Variants in BICRA observed in about 807,000 individuals in gnomAD.
BICRA encodes the protein BRD4 interacting chromatin remodeling complex associated protein.
BICRA carries 31 observed loss-of-function variants against 96.9 expected under a neutral mutation model. The ratio of observed to expected loss-of-function variants is 0.32; its 90% CI spans 0.24 to 0.43. The LOEUF (loss-of-function observed/expected upper bound fraction) is 0.43. BICRA is among the 20% of genes least tolerant of loss of function. The probability of loss-of-function intolerance (pLI) is 1.00; values close to 1 mark genes in which losing one functional copy is unlikely to be tolerated. For synonymous variants in BICRA, 1,350 were observed against 1,071.8 expected (o/e 1.26, Z -5.07); for missense variants, 2,283 against 2,190.3 (o/e 1.04, Z -0.84).
chr19:47,680,104 G>T lies in BICRA; in HGVS notation c.934G>T (p.Ala312Ser). The T allele has an allele frequency of 1.3e-6, 2 of 1,540,792 alleles. No homozygotes were observed. Among genetic ancestry groups the T allele is most frequent in the Non-Finnish European group, 1.7e-6 (2 of 1,155,200 alleles). Residue 312 changes from alanine to serine, a missense_variant, in exon 6 of 15, where the codon GCC (alanine) becomes TCC (serine). Ala to Ser is a moderately conservative substitution (Grantham distance 99). Transcript: ENST00000594866. ...GAACTCTGTGTTCGGAGGCGCGGGG[G>T]CCGCCTCGGCTCCCACCGGGACGCC... ...NGNSVFGGAGAASAPTGTPSG... is the reference protein window; with the variant it reads ...NGNSVFGGAGSASAPTGTPSG...
At position 47,699,095 on chromosome 19, in the gene BICRA, C is replaced by A; in HGVS notation, c.3492+36C>A. On this transcript the variant is annotated intron_variant, in intron 13 of 14. Transcript: ENST00000594866. This position sits in a 1 kb window ranked among gnomAD's most constrained non-coding sequence, Gnocchi z 5.0. ...AGTCGCCTTCCTCGCCTCTGGGCTC[C>A]TCCTCGCTGGGACACTGCCCCTTTC... 1 of 1,365,000 alleles carries A rather than the reference C, an allele frequency of 7.3e-7. No individual in the cohort carries two copies. Among genetic ancestry groups the A allele is most frequent in the Non-Finnish European group, 1.0e-6 (1 of 979,848 alleles). The allele number at this position is 1,365,000 out of a possible 1,614,324, so 84.6% of individuals were successfully genotyped here.
At chr19:47,621,698 G>A (rs1340981301) in intron 1 of BICRA, among the ~76,000 whole-genome samples, 1 of 152,012 alleles carries the variant, frequency 6.6e-6, no homozygotes, top group Non-Finnish European at 1.5e-5. Context: ...TTGAACTCCT[G>A]ACCTCAGTTG....
chr19:47,693,486 C>T (rs766027635), intron 7 of BICRA, among the ~76,000 whole-genome samples: 21 of 152,214 alleles, frequency 1.4e-4, no homozygotes, highest in Non-Finnish European at 3.1e-4. Context: ...TTCCCATGCC[C>T]GCATCCAGAG....
chr19:47,622,450 C>T (rs1175838171), intron 1 of BICRA, among the ~76,000 whole-genome samples: 25 of 138,700 alleles, frequency 1.8e-4, no homozygotes, highest in East Asian at 1.6e-3. Context: ...GTGGGCCGGG[C>T]GTGGTGGCTC....
At chr19:47,682,179 C>T (rs747645342) in intron 7 of BICRA, 27 bp downstream of exon 7, 4 of 1,155,396 alleles carry the variant, frequency 3.5e-6, no homozygotes, top group Admixed American at 4.5e-5. Flanking sequence ...AGCCTGTGTC[C>T]GCAGCACAGA....
chr19:47,682,118 C>T lies in BICRA; in HGVS notation c.2249C>T (p.Pro750Leu), dbSNP rs1477191870. 3.8e-5 allele frequency: 58 copies of T among 1,515,780 alleles called. No homozygotes were observed. The highest frequency in any genetic ancestry group is 5.1e-5 in the Non-Finnish European group (57 of 1,119,046). 93.9% of individuals were successfully genotyped at this position (1,515,780 alleles called of 1,614,324 possible). A position where few individuals can be genotyped will look rare whatever the true frequency, so the allele number is the denominator to read the frequency against. Residue 750 changes from proline to leucine, a missense_variant, in exon 7 of 15, where the codon CCC becomes CTC. Pro to Leu is a moderately conservative substitution (Grantham distance 98). Transcript: ENST00000594866. ...AKGAGLGPQA[P>L]DSQASPAPAP... is the part of the protein sequence containing the mutation. ...GGAGCTGGCCTCGGCCCTCAGGCCC[C>T]CGACAGCCAGGCTTCCCCGGCTCCG...
intron 1 of BICRA, among the ~76,000 whole-genome samples, chr19:47,611,901 CGCTGTGT>C (rs1300406463): frequency 2.0e-5 from 3 of 150,758 alleles, no homozygotes; most frequent in African/African-American, 4.9e-5. Flanking sequence ...GACAGAGTCT[CGCTGTGT>C]TGCCCAGGCT....
rs775321908 is a variant in BICRA at position 47,680,653 on chromosome 19, G to A, written c.1483G>A (p.Gly495Arg). 2 of 1,608,198 alleles carry A rather than the reference G, an allele frequency of 1.2e-6. No homozygotes were observed. The highest frequency in any genetic ancestry group is 1.7e-5 in the Admixed American group (1 of 59,348). The change falls in exon 6 of 15, where the codon GGG (glycine) becomes AGG (arginine). Residue 495 changes from glycine (G) to arginine (R), a missense_variant. Physicochemically the swap from Gly to Arg is moderately radical, Grantham distance 125 (BLOSUM62 -2). Coordinates refer to ENST00000594866, the MANE Select transcript of BICRA (RefSeq NM_001394372.1). The part of the protein sequence containing the change: ...QLSALPANVG[G>R]QILAAAAPHT... ...CTCAGCCCTGCCGGCCAACGTGGGC[G>A]GGCAGATCCTGGCGGCCGCTGCCCC...
intron 1 of BICRA, among the ~76,000 whole-genome samples, chr19:47,650,488 C>T (rs1467720057): frequency 6.6e-6 from 1 of 152,148 alleles, no homozygotes; most frequent in East Asian, 1.9e-4. Context: ...AACTCCTGAC[C>T]TCAAGTGATT....
chr19:47,682,914 C>T (rs1008193702), intron 7 of BICRA, among the ~76,000 whole-genome samples: 8 of 152,036 alleles, frequency 5.3e-5, no homozygotes, highest in Non-Finnish European at 1.0e-4. Context: ...TCAAGTGATC[C>T]GCCCGCCTCA....
intron 1 of BICRA, among the ~76,000 whole-genome samples, chr19:47,623,973 C>T (rs1465527955): frequency 2.6e-5 from 4 of 151,762 alleles, no homozygotes; most frequent in African/African-American, 9.7e-5. Flanking sequence ...TGCCTCAGCT[C>T]CCCGAGTAGC....
At chr19:47,621,268 A>G (rs1312673783) in intron 1 of BICRA, among the ~76,000 whole-genome samples, 1 of 152,084 alleles carries the variant, frequency 6.6e-6, no homozygotes, top group Non-Finnish European at 1.5e-5. Flanking sequence ...TGGAGTTGAT[A>G]AAACTCAGGA....
At chr19:47,640,532 GAAAA>G (rs11292760) in intron 1 of BICRA, among the ~76,000 whole-genome samples, 1 of 110,452 alleles carries the variant, frequency 9.1e-6, no homozygotes, top group Non-Finnish European at 1.9e-5. Flanking sequence ...TGTCTCAAAA[GAAAA>G]AAAAAAAAAA....
chr19:47,674,303 A>C lies in BICRA; in HGVS notation c.84+541A>C, dbSNP rs116054196. 2.3e-4 allele frequency among the ~76,000 whole-genome samples: 20 copies of C among 86,920 alleles called. No homozygotes were observed. In the East Asian group the frequency reaches 0.01, roughly 44 times the overall value. 57.0% of individuals were successfully genotyped at this position (86,920 alleles called of 152,430 possible). On this transcript the variant is annotated intron_variant, in intron 4 of 14. Coordinates refer to ENST00000594866, the MANE Select transcript of BICRA (RefSeq NM_001394372.1). The stretch of plus-strand genomic sequence containing the variant: ...AGGAGGTGAGACTGTAGTAGGTAAA[A>C]GTCACCAGGTTGTGTAGGCCTGGAA...
At chr19:47,685,741 C>CTGTGTGTGTG (rs3074109) in intron 7 of BICRA, among the ~76,000 whole-genome samples, 1,391 of 115,408 alleles carry the variant, frequency 0.012, 14 homozygotes, top group Middle Eastern at 0.022. Context: ...TTGGCAGCCT[C>CTGTGTGTGTG]TGTGTGTGTG....
intron 1 of BICRA, among the ~76,000 whole-genome samples, chr19:47,633,693 T>C (rs1972256245): frequency 6.6e-6 from 1 of 152,188 alleles, no homozygotes; most frequent in African/African-American, 2.4e-5. Context: ...GAGCAAAGTC[T>C]CTTCTCCTGT....
chr19:47,626,160 C>T (rs985026161), intron 1 of BICRA: 5 of 152,174 alleles, frequency 3.3e-5, no homozygotes, highest in Admixed American at 6.6e-5. Context: ...TCACAGCCAG[C>T]ACTTACCTTG....
At chr19:47,624,311 C>G (rs1408864867) in intron 1 of BICRA, among the ~76,000 whole-genome samples, 1 of 152,154 alleles carries the variant, frequency 6.6e-6, no homozygotes, top group African/African-American at 2.4e-5. Context: ...TGCCCAGAGT[C>G]ATCTTCCCCT....
At position 47,698,937 on chromosome 19, in the gene BICRA, G is replaced by T. The variant is rs1301810218; in HGVS notation, c.3398-28G>T. ...ATCCGCGGCCGCCCCCAACATCTCC[G>T]CCCTTGCCTCTCTTCCCTTCCTCGC... On this transcript the variant is annotated intron_variant, in intron 12 of 14. Coordinates refer to ENST00000594866, the MANE Select transcript of BICRA (RefSeq NM_001394372.1). The surrounding 1 kb of genome is among the most constrained non-coding windows in gnomAD (Gnocchi z 4.8). 14 of 1,529,442 alleles carry T rather than the reference G, an allele frequency of 9.2e-6. No individual in the cohort carries two copies. The East Asian group carries it at 2.9e-4, about 32-fold the overall frequency. The allele number at this position is 1,529,442 out of a possible 1,614,324, so 94.7% of individuals were successfully genotyped here.
Sources: allele counts gnomAD v4.1 joint callset (sites outside exome capture counted in the v4.1 genomes callset), GRCh38; gene constraint gnomAD v4.1.1; non-coding constraint Gnocchi (gnomAD v3.1); transcripts MANE v1.5; gene names NCBI Gene and HGNC (gene_info 2026-07-23, HGNC 2026-07-21).